Variants in GPC5 observed in about 807,000 individuals in gnomAD.
GPC5 encodes the protein glypican 5.
A neutral mutation model predicts 53.9 loss-of-function variants in GPC5; 47 were observed. The observed-to-expected ratio is 0.87, with a 90% CI of 0.69 to 1.11. The LOEUF is 1.11. GPC5 is among the 50% of genes most tolerant of loss of function. The probability of loss-of-function intolerance (pLI) is 0.00; values close to 1 mark genes in which losing one functional copy is unlikely to be tolerated. For missense variants in GPC5, 748 were observed against 713.1 expected, an observed-to-expected ratio of 1.05 and a Z score of -0.56; for synonymous variants, 286 against 263.3, an observed-to-expected ratio of 1.09 and a Z score of -0.84.
chr13:92,426,711 A>G (rs1317624730), intron 7 of GPC5, among the ~76,000 whole-genome samples: 1 of 152,070 alleles, frequency 6.6e-6, no homozygotes, highest in Admixed American at 6.6e-5. Context: ...GATTACATAT[A>G]ATTTTATATA....
chr13:91,791,261 T>A (rs1449373420), intron 5 of GPC5, among the ~76,000 whole-genome samples: 2 of 152,162 alleles, frequency 1.3e-5, no homozygotes, highest in East Asian at 3.9e-4. Context: ...TCATATTGGG[T>A]GGTGCCAGGT....
chr13:92,866,410 G>T lies in GPC5; in HGVS notation c.1690G>T (p.Val564Leu), dbSNP rs1169068743. Reference protein sequence around the residue: ...TESMTFTLISVVMLLPGIW With the variant: ...TESMTFTLISLVMLLPGIW Reference sequence around the variant, plus strand: ...ATCTATGACATTCACTCTGATAAGTGTGGTGATGTTACTTCCCGGGATTTG... The same window carrying T: ...ATCTATGACATTCACTCTGATAAGTTTGGTGATGTTACTTCCCGGGATTTG... The change falls in exon 8 of 8, where the codon GTG (valine) becomes TTG (leucine). Residue 564 changes from valine to leucine, a missense_variant. Transcript: ENST00000377067. The T allele has an allele frequency of 6.2e-7, 1 of 1,608,950 alleles. No individual in the cohort carries two copies. Among genetic ancestry groups the T allele is most frequent in the African/African-American group, 1.3e-5 (1 of 74,694 alleles).
intron 5 of GPC5, among the ~76,000 whole-genome samples, chr13:91,829,035 A>C (rs1165583279): frequency 6.6e-6 from 1 of 152,022 alleles, no homozygotes; most frequent in Non-Finnish European, 1.5e-5. Flanking sequence ...AGAAAGCATG[A>C]ATTTTACAGT....
chr13:92,029,508 G>A (rs370029812), intron 6 of GPC5, among the ~76,000 whole-genome samples: 4 of 152,148 alleles, frequency 2.6e-5, no homozygotes, highest in South Asian at 2.1e-4. Flanking sequence ...ACAACTTCTC[G>A]GGTTCAACAG....
At chr13:91,795,738 TC>T (rs1475922562) in intron 5 of GPC5, among the ~76,000 whole-genome samples, 1 of 152,076 alleles carries the variant, frequency 6.6e-6, no homozygotes. Flanking sequence ...TGCCCCTGCA[TC>T]CTGTGTGTTG....
intron 2 of GPC5, among the ~76,000 whole-genome samples, chr13:91,661,130 G>A (rs2034978040): frequency 6.6e-6 from 1 of 151,968 alleles, no homozygotes; most frequent in Non-Finnish European, 1.5e-5. Flanking sequence ...GAGAAGTATG[G>A]GTCCCCTGAT....
chr13:92,825,399 G>C (rs1330588268), intron 7 of GPC5, among the ~76,000 whole-genome samples: 1 of 151,946 alleles, frequency 6.6e-6, no homozygotes, highest in East Asian at 1.9e-4. Flanking sequence ...TAAAGACAAG[G>C]GTGGTATATA....
chr13:92,860,501 T>C (rs1036572447), intron 7 of GPC5, among the ~76,000 whole-genome samples: 2 of 152,126 alleles, frequency 1.3e-5, no homozygotes, highest in African/African-American at 2.4e-5. Context: ...CTAGGAGACA[T>C]GACCTGACTG....
intron 6 of GPC5, among the ~76,000 whole-genome samples, chr13:92,109,938 C>T (rs910068652): frequency 6.6e-6 from 1 of 152,054 alleles, no homozygotes; most frequent in South Asian, 2.1e-4. Flanking sequence ...ACCTAAGAAA[C>T]TTACAAAACA....
At chr13:91,953,581 T>C (rs1358429628) in intron 6 of GPC5, among the ~76,000 whole-genome samples, 2 of 152,214 alleles carry the variant, frequency 1.3e-5, no homozygotes, top group Admixed American at 6.6e-5. Context: ...GTAATTATAA[T>C]AGGATTGCCC....
In GPC5 at chr13:92,257,546, A is replaced by ATTTT. The variant is rs398023955; in HGVS notation, c.1561+112575_1561+112578dup. Among the ~76,000 whole-genome samples the ATTTT allele has an allele frequency of 5.2e-3, 376 of 72,922 alleles. 76 individuals are homozygous for ATTTT. Among genetic ancestry groups the ATTTT allele is most frequent in the African/African-American group, 0.025 (326 of 12,930 alleles). 47.8% of individuals were successfully genotyped at this position (72,922 alleles called of 152,430 possible). ...AGTGAGAGAGGTTTCTAATACAGGG[A>ATTTT]TTTTTTTTTTTTTTTTTTTTTGGGG... On this transcript the variant is annotated intron_variant, in intron 7 of 7. Coordinates refer to ENST00000377067, the MANE Select transcript of GPC5 (RefSeq NM_004466.6).
intron 5 of GPC5, among the ~76,000 whole-genome samples, chr13:91,906,311 T>A (rs1972350): frequency 2.0e-4 from 31 of 151,922 alleles, no homozygotes; most frequent in African/African-American, 6.8e-4. Context: ...CAAAGGCTAC[T>A]TCAAGTTACA....
chr13:92,119,782 A>G lies in GPC5; in HGVS notation c.1402-25048A>G, dbSNP rs188060923. On this transcript the variant is annotated intron_variant, in intron 6 of 7. Coordinates refer to ENST00000377067, the MANE Select transcript of GPC5 (RefSeq NM_004466.6). Reference sequence around the variant, plus strand: ...AAAAATAATGCCTCCTTTGAATTTCATGTGTAGATGAGTTTTTTAGTTTTG... The same window carrying G: ...AAAAATAATGCCTCCTTTGAATTTCGTGTGTAGATGAGTTTTTTAGTTTTG... 3.3e-3 allele frequency among the ~76,000 whole-genome samples: 503 copies of G among 151,926 alleles called. 2 individuals are homozygous for G. Among genetic ancestry groups the G allele is most frequent in the African/African-American group, 0.012 (477 of 41,422 alleles).
intron 7 of GPC5, among the ~76,000 whole-genome samples, chr13:92,218,906 G>T (rs1455321972): frequency 1.3e-5 from 2 of 152,068 alleles, no homozygotes; most frequent in Admixed American, 1.3e-4. Flanking sequence ...ATCTCTTTGG[G>T]GGCAGAACCT....
chr13:92,087,626 G>A (rs1268939175), intron 6 of GPC5, among the ~76,000 whole-genome samples: 1 of 151,986 alleles, frequency 6.6e-6, no homozygotes, highest in East Asian at 1.9e-4. Flanking sequence ...TCTATAATTG[G>A]GTGATGAGTG....
intron 6 of GPC5, among the ~76,000 whole-genome samples, chr13:91,985,044 A>C (rs2040394188): frequency 6.6e-6 from 1 of 152,204 alleles, no homozygotes; most frequent in Admixed American, 6.5e-5. Context: ...TCTAATTAGA[A>C]AGTTATCGTA....
At chr13:91,719,694 C>T (rs559643412) in intron 3 of GPC5, among the ~76,000 whole-genome samples, 115 of 152,224 alleles carry the variant, frequency 7.6e-4, no homozygotes, top group African/African-American at 2.6e-3. Context: ...TGGAAAAAGA[C>T]AGCTAATATA....
At chr13:92,235,271 T>C (rs1387482211) in intron 7 of GPC5, among the ~76,000 whole-genome samples, 1 of 152,186 alleles carries the variant, frequency 6.6e-6, no homozygotes, top group Non-Finnish European at 1.5e-5. Context: ...CTTCTTGTTC[T>C]ACCAGAGCAC....
chr13:91,687,036 A>T (rs2035638168), intron 2 of GPC5, among the ~76,000 whole-genome samples: 1 of 151,972 alleles, frequency 6.6e-6, no homozygotes, highest in Non-Finnish European at 1.5e-5. Flanking sequence ...TGTAATTGAA[A>T]TTTCAAAATT....
Sources: allele counts gnomAD v4.1 joint callset (sites outside exome capture counted in the v4.1 genomes callset), GRCh38; gene constraint gnomAD v4.1.1; transcripts MANE v1.5; gene names NCBI Gene and HGNC (gene_info 2026-07-23, HGNC 2026-07-21).